Variants in DISC1 observed in about 807,000 individuals in gnomAD.
The protein encoded by DISC1 is DISC1 scaffold protein, also known as disrupted in schizophrenia 1 protein.
A neutral mutation model predicts 84.5 loss-of-function variants in DISC1; 57 were observed. The observed-to-expected ratio is 0.67, with a 90% CI of 0.55 to 0.84. The LOEUF (loss-of-function observed/expected upper bound fraction) is 0.84, where lower values mean the gene tolerates loss of function less well. Among genes scored for constraint, DISC1 ranks in the 40% least tolerant of loss-of-function variants. The probability of loss-of-function intolerance (pLI) is 0.00; values close to 1 mark genes in which losing one functional copy is unlikely to be tolerated. For missense variants in DISC1, 1,000 were observed against 1,057.8 expected, an observed-to-expected ratio of 0.95 and a Z score of 0.76; for synonymous variants, 411 against 415.2, an observed-to-expected ratio of 0.99 and a Z score of 0.12.
chr1:231,771,027 G>C lies in DISC1; in HGVS notation c.1591G>C (p.Gly531Arg), dbSNP rs56229136. 886 of 1,610,610 alleles carry C rather than the reference G, an allele frequency of 5.5e-4. 8 individuals are homozygous for C. The East Asian group carries it at 0.016, about 28-fold the overall frequency. ...KALQDTLASA[G>R]QIPFHAEPPE... Reference sequence around the variant, plus strand: ...CTTGCAGGACACCCTGGCCTCAGCCGGTCAGATTCCCTTCCATGCAGAGCC... The same window carrying C: ...CTTGCAGGACACCCTGGCCTCAGCCCGTCAGATTCCCTTCCATGCAGAGCC... Residue 531 changes from glycine to arginine, a missense_variant, in exon 6 of 13, where the codon GGT (glycine) becomes CGT (arginine). By Grantham distance (125) the Gly-to-Arg change is moderately radical. Around this residue, in one of 3 missense-constraint regions of DISC1, gnomAD observed 397 missense variants for 377.5 expected, o/e 1.05. Coordinates refer to ENST00000439617, the MANE Select transcript of DISC1 (RefSeq NM_018662.3).
At chr1:231,726,854 C>A (rs759494639) in intron 3 of DISC1, among the ~76,000 whole-genome samples, 1 of 152,162 alleles carries the variant, frequency 6.6e-6, no homozygotes, top group African/African-American at 2.4e-5. Flanking sequence ...TATCCATAAT[C>A]ACATCCATGA....
intron 9 of DISC1, among the ~76,000 whole-genome samples, chr1:231,883,961 T>A (rs905508681): frequency 6.6e-6 from 1 of 152,074 alleles, no homozygotes; most frequent in Admixed American, 6.6e-5. Flanking sequence ...GCTAAATAAA[T>A]GACATGCCTG....
chr1:231,949,953 C>T (rs1241421137), intron 9 of DISC1, among the ~76,000 whole-genome samples: 1 of 152,214 alleles, frequency 6.6e-6, no homozygotes, highest in East Asian at 1.9e-4. Flanking sequence ...GAAATAACTT[C>T]TCCCAGCCCC....
intron 9 of DISC1, among the ~76,000 whole-genome samples, chr1:231,839,258 C>G (rs1392567715): frequency 6.6e-6 from 1 of 152,118 alleles, no homozygotes; most frequent in African/African-American, 2.4e-5. Context: ...AGCTGTGTAA[C>G]TTTGGGAAAG....
intron 1 of DISC1, among the ~76,000 whole-genome samples, chr1:231,650,847 G>T (rs1313784353): frequency 6.6e-6 from 1 of 151,976 alleles, no homozygotes. Context: ...CTTCCACTTG[G>T]TCAAATCAGC....
At chr1:231,705,865 C>T (rs536345921) in intron 3 of DISC1, among the ~76,000 whole-genome samples, 33 of 152,060 alleles carry the variant, frequency 2.2e-4, no homozygotes, top group African/African-American at 4.3e-4. Context: ...AGGGGTCTGC[C>T]GGAATCTGAG....
chr1:231,872,415 T>G (rs2125957488), intron 9 of DISC1, among the ~76,000 whole-genome samples: 1 of 152,324 alleles, frequency 6.6e-6, no homozygotes, highest in South Asian at 2.1e-4. Flanking sequence ...AGTTTGACCC[T>G]GATCTAGTGA....
chr1:231,956,827 C>T (rs1325895405), intron 9 of DISC1, among the ~76,000 whole-genome samples: 3 of 152,178 alleles, frequency 2.0e-5, no homozygotes, highest in Non-Finnish European at 4.4e-5. Flanking sequence ...TATTCTAAGA[C>T]CATCACCCAG....
chr1:231,989,584 G>T (rs1664913818), intron 10 of DISC1, among the ~76,000 whole-genome samples: 1 of 152,216 alleles, frequency 6.6e-6, no homozygotes, highest in South Asian at 2.1e-4. Context: ...AGGAGTGAGG[G>T]AGAGCATCAA....
intron 10 of DISC1, among the ~76,000 whole-genome samples, chr1:231,976,455 G>A (rs1020233457): frequency 6.6e-6 from 1 of 152,146 alleles, no homozygotes; most frequent in Non-Finnish European, 1.5e-5. Context: ...TTCAGAGGAT[G>A]ATGTCACTTT....
intron 1 of DISC1, among the ~76,000 whole-genome samples, chr1:231,692,464 A>AC (rs1446979676): frequency 6.6e-6 from 1 of 152,092 alleles, no homozygotes; most frequent in African/African-American, 2.4e-5. Flanking sequence ...TATCAATGCC[A>AC]CCCCCACCCC....
chr1:231,690,704 C>T (rs998834702), intron 1 of DISC1, among the ~76,000 whole-genome samples: 1 of 152,172 alleles, frequency 6.6e-6, no homozygotes, highest in Non-Finnish European at 1.5e-5. Context: ...AATGGCCTTT[C>T]GTTATGGGAA....
chr1:231,732,858 G>A (rs1013990321), intron 3 of DISC1, among the ~76,000 whole-genome samples: 2 of 152,238 alleles, frequency 1.3e-5, no homozygotes, highest in African/African-American at 4.8e-5. Context: ...AGTAGCAGTG[G>A]TCGTGGTGCT....
intron 10 of DISC1, among the ~76,000 whole-genome samples, chr1:231,975,119 TAAC>T (rs199849940): frequency 0.035 from 5,249 of 151,292 alleles, 290 homozygotes; most frequent in African/African-American, 0.12. Flanking sequence ...AAAACAACAA[TAAC>T]AACAACAACA....
At chr1:231,898,726 G>C (rs1011150004) in intron 9 of DISC1, among the ~76,000 whole-genome samples, 2 of 152,140 alleles carry the variant, frequency 1.3e-5, no homozygotes, top group African/African-American at 4.8e-5. Context: ...GAGGCCAGGA[G>C]CTAGAGACCA....
At chr1:231,744,562 G>A (rs1406699743) in intron 3 of DISC1, among the ~76,000 whole-genome samples, 1 of 151,988 alleles carries the variant, frequency 6.6e-6, no homozygotes, top group South Asian at 2.1e-4. Flanking sequence ...GTGCCAGAAA[G>A]CATAGTTTTT....
In DISC1 at chr1:231,770,954, A is replaced by C; in HGVS notation, c.1518A>C (p.Pro506=). The C allele has an allele frequency of 6.2e-7, 1 of 1,614,068 alleles. No homozygotes were observed. The highest frequency in any genetic ancestry group is 8.5e-7 in the Non-Finnish European group (1 of 1,179,970). ...AGTGGCAGGGCTGCGACCTGACCCC[A>C]CTGGTGGGCCAGCTGTCCCTGGGTC... ...QLQWQGCDLT[P]LVGQLSLGQL... The change falls in exon 6 of 13, where the codon CCA becomes CCC. Residue 506 remains proline, a synonymous_variant. Coordinates refer to ENST00000439617, the MANE Select transcript of DISC1 (RefSeq NM_018662.3).
intron 9 of DISC1, among the ~76,000 whole-genome samples, chr1:231,872,539 T>C (rs1336114416): frequency 6.6e-6 from 1 of 152,216 alleles, no homozygotes; most frequent in African/African-American, 2.4e-5. Flanking sequence ...GGAAAATGCC[T>C]TTCTAGGGCT....
intron 9 of DISC1, among the ~76,000 whole-genome samples, chr1:231,924,089 T>C (rs2090185581): frequency 6.6e-6 from 1 of 152,238 alleles, no homozygotes; most frequent in Non-Finnish European, 1.5e-5. Flanking sequence ...TCAGTAATGA[T>C]TGAATCACAG....
Sources: allele counts gnomAD v4.1 joint callset (sites outside exome capture counted in the v4.1 genomes callset), GRCh38; gene constraint gnomAD v4.1.1; regional missense constraint gnomAD v4.1.1; transcripts MANE v1.5; gene names NCBI Gene and HGNC (gene_info 2026-07-23, HGNC 2026-07-21).